The following SLC25A42 variants were observed in gnomAD, a reference collection of about 807,000 sequenced individuals.
The protein encoded by SLC25A42 is solute carrier family 25 member 42.
Under a neutral mutation model 34.7 loss-of-function variants are expected in SLC25A42, and 19 were observed. That is an observed-to-expected ratio of 0.55 (90% CI 0.38 to 0.80). SLC25A42 has a LOEUF of 0.80. Ranked by LOEUF, SLC25A42 falls within the 30% of genes least tolerant of loss-of-function variation. SLC25A42 has a pLI of 0.00. For synonymous variants in SLC25A42, 205 were observed against 191.2 expected, an observed-to-expected ratio of 1.07 and a Z score of -0.59; for missense variants, 364 against 441.3, an observed-to-expected ratio of 0.82 and a Z score of 1.57.
At chr19:19,067,227 T>G (rs1341036665) in intron 1 of SLC25A42, among the ~76,000 whole-genome samples, 9 of 152,066 alleles carry the variant, frequency 5.9e-5, no homozygotes, top group Non-Finnish European at 1.5e-5. Context: ...CTGTCTTAGG[T>G]GTTCTGGCTT....
Position 19,081,760 on chromosome 19 carries a change from TC to T in SLC25A42, c.-34-14328del, listed in dbSNP as rs898758982. ...AGGCCCTACGCTGTCACCCGAGTGGTCCCGTGGTGTCCTCTGGCTTCCTTGC... is the reference window on the plus strand; with the variant it reads ...AGGCCCTACGCTGTCACCCGAGTGGTCCGTGGTGTCCTCTGGCTTCCTTGC... On this transcript the variant is annotated intron_variant, in intron 1 of 7. Coordinates refer to ENST00000318596, the MANE Select transcript of SLC25A42 (RefSeq NM_178526.5). This position sits in a 1 kb window ranked among gnomAD's most constrained non-coding sequence, Gnocchi z 4.5. Among the ~76,000 whole-genome samples, 78 of 152,304 alleles carry T rather than the reference TC, an allele frequency of 5.1e-4. No homozygotes were observed. Among genetic ancestry groups the T allele is most frequent in the African/African-American group, 1.7e-3 (72 of 41,580 alleles).
chr19:19,084,286 A>G (rs903556530), intron 1 of SLC25A42, among the ~76,000 whole-genome samples: 1 of 152,184 alleles, frequency 6.6e-6, no homozygotes, highest in African/African-American at 2.4e-5. Flanking sequence ...TTTGGGGCCC[A>G]CAGATGCTCT....
At chr19:19,105,823 G>A (rs1199790758) in intron 5 of SLC25A42, 96 bp downstream of exon 5, 3 of 1,084,558 alleles carry the variant, frequency 2.8e-6, no homozygotes, top group South Asian at 3.2e-5. Context: ...TTCGTGCCTT[G>A]CCCCTAGCCC....
In SLC25A42 at chr19:19,101,849, G is replaced by T. The variant is rs56144126; in HGVS notation, c.150G>T (p.Ala50=). The change falls in exon 3 of 8, where the codon GCG becomes GCT. Residue 50 remains alanine, a synonymous_variant. Transcript: ENST00000318596. ...TGGCTGGTGCCCTTGCCAAAACAGC[G>T]GTAGCTCCCCTGGACCGAACCAAAA... The part of the protein sequence containing the change: ...GALAGALAKT[A]VAPLDRTKII... The T allele has an allele frequency of 1.9e-6, 3 of 1,613,546 alleles. No homozygotes were observed. In the African/African-American group the frequency reaches 4.0e-5, roughly 22 times the overall value.
intron 7 of SLC25A42, among the ~76,000 whole-genome samples, chr19:19,110,127 G>A (rs1449286587): frequency 6.6e-6 from 1 of 152,048 alleles, no homozygotes; most frequent in African/African-American, 2.4e-5. Flanking sequence ...CAGGCAGATC[G>A]CCTGAGGTCA....
At chr19:19,072,213 C>T (rs1178733975) in intron 1 of SLC25A42, among the ~76,000 whole-genome samples, 1 of 152,196 alleles carries the variant, frequency 6.6e-6, no homozygotes, top group Admixed American at 6.5e-5. Context: ...CAAAAGCATA[C>T]TCAATAGGCC....
chr19:19,105,657 G>A lies in SLC25A42; in HGVS notation c.310G>A (p.Ala104Thr), dbSNP rs1218472304. 6.2e-7 allele frequency: 1 copy of A among 1,613,284 alleles called. No individual in the cohort carries two copies. The change falls in exon 5 of 8, where the codon GCC becomes ACC. Residue 104 changes from alanine (A) to threonine (T), a missense_variant. By Grantham distance (58) the Ala-to-Thr change is moderately conservative. Coordinates refer to ENST00000318596, the MANE Select transcript of SLC25A42 (RefSeq NM_178526.5). ...CACCATGGTGCGCGTGGTGCCCTAC[G>A]CCGCCATCCAGTTCAGCGCACACGA... ...SATMVRVVPY[A>T]AIQFSAHEEY...
At chr19:19,072,230 G>A (rs913041463) in intron 1 of SLC25A42, among the ~76,000 whole-genome samples, 17 of 152,232 alleles carry the variant, frequency 1.1e-4, no homozygotes, top group South Asian at 2.1e-4. Flanking sequence ...GGCCGGGGCC[G>A]TGTTAAATGG....
Position 19,112,764 on chromosome 19 carries a change from C to G in SLC25A42, c.*1888C>G, listed in dbSNP as rs990677839. ...GGCTCTGCGGTCACTCGCCTCCCTG[C>G]TGGTCACTGGTCTTGGTCTGGAGTT... On this transcript the variant is annotated 3_prime_UTR_variant, in exon 8 of 8. Transcript: ENST00000318596. The surrounding 1 kb of genome is among the most constrained non-coding windows in gnomAD (Gnocchi z 4.3). 6.5e-6 allele frequency: 1 copy of G among 152,830 alleles called. No homozygotes were observed. Among genetic ancestry groups the G allele is most frequent in the African/African-American group, 2.4e-5 (1 of 41,462 alleles). 9.5% of individuals were successfully genotyped at this position (152,830 alleles called of 1,614,324 possible).
intron 1 of SLC25A42, among the ~76,000 whole-genome samples, chr19:19,071,167 C>T (rs912210836): frequency 4.6e-5 from 7 of 151,944 alleles, no homozygotes; most frequent in African/African-American, 1.7e-4. Flanking sequence ...CCACCAAGCC[C>T]GGCTAACTTT....
chr19:19,079,130 A>C (rs2059669341), intron 1 of SLC25A42, among the ~76,000 whole-genome samples: 1 of 151,540 alleles, frequency 6.6e-6, no homozygotes. Context: ...ATCTCGGCTC[A>C]CTGCAACCTC....
intron 1 of SLC25A42, among the ~76,000 whole-genome samples, chr19:19,093,066 G>A (rs1016529422): frequency 1.1e-4 from 16 of 152,268 alleles, no homozygotes; most frequent in African/African-American, 3.1e-4. Context: ...TGTCACCTGC[G>A]CTGGAGTGTA....
intron 2 of SLC25A42, 92 bp downstream of exon 2, chr19:19,096,297 T>G: frequency 1.4e-6 from 1 of 717,470 alleles, no homozygotes. Context: ...CCTCCCAGCC[T>G]CTGCACCCCC....
chr19:19,080,519 C>T (rs748921805), intron 1 of SLC25A42, among the ~76,000 whole-genome samples: 2 of 152,168 alleles, frequency 1.3e-5, no homozygotes, highest in Non-Finnish European at 2.9e-5. Flanking sequence ...CAGTGGCTCA[C>T]ACCTGTAATC....
intron 3 of SLC25A42, among the ~76,000 whole-genome samples, chr19:19,104,384 C>T (rs572235305): frequency 1.3e-5 from 2 of 152,294 alleles, no homozygotes; most frequent in Admixed American, 6.5e-5. Context: ...TCCTGGTGAC[C>T]GTTTGTGGCC....
Position 19,111,030 on chromosome 19 carries a change from TC to T in SLC25A42, c.*156del. 1 of 830,650 alleles carries T rather than the reference TC, an allele frequency of 1.2e-6. No homozygotes were observed. The highest frequency in any genetic ancestry group is 1.8e-6 in the Non-Finnish European group (1 of 542,432). The allele number at this position is 830,650 out of a possible 1,614,324, so 51.5% of individuals were successfully genotyped here. ...GGGCCTGAGGGGCCTGGGCTCAGAG[TC>T]CACGTCCAAACGCAAAGCTGGCAGC... On this transcript the variant is annotated 3_prime_UTR_variant, in exon 8 of 8. Coordinates refer to ENST00000318596, the MANE Select transcript of SLC25A42 (RefSeq NM_178526.5).
intron 1 of SLC25A42, among the ~76,000 whole-genome samples, chr19:19,088,989 G>A: frequency 6.6e-6 from 1 of 151,482 alleles, no homozygotes; most frequent in Non-Finnish European, 1.5e-5. Context: ...TGTATTTTTA[G>A]TAGAAACAGT....
In SLC25A42 at chr19:19,111,146, G is replaced by A; in HGVS notation, c.*270G>A. ...CAGACGCTGGCGCTGTCTGCCGGAGGTGTTGCCCAAAAGGCCCTAGTGGGG... is the reference window on the plus strand; with the variant it reads ...CAGACGCTGGCGCTGTCTGCCGGAGATGTTGCCCAAAAGGCCCTAGTGGGG... On this transcript the variant is annotated 3_prime_UTR_variant, in exon 8 of 8. Transcript: ENST00000318596. 1 of 525,646 alleles carries A rather than the reference G, an allele frequency of 1.9e-6. No individual in the cohort carries two copies. Among genetic ancestry groups the A allele is most frequent in the Non-Finnish European group, 3.4e-6 (1 of 294,170 alleles). The allele number at this position is 525,646 out of a possible 1,614,324, so 32.6% of individuals were successfully genotyped here. A position where few individuals can be genotyped will look rare whatever the true frequency, so the allele number is the denominator to read the frequency against.
chr19:19,104,994 C>T, intron 4 of SLC25A42, 56 bp downstream of exon 4: 3 of 1,604,832 alleles, frequency 1.9e-6, no homozygotes, highest in Non-Finnish European at 2.6e-6. Context: ...CCCTGATGGG[C>T]TGGCAGGAGT....
Sources: gnomAD v4.1 joint callset for allele counts (sites outside exome capture counted in the v4.1 genomes callset) on GRCh38, gnomAD v4.1.1 for gene constraint, Gnocchi (gnomAD v3.1) non-coding constraint, MANE v1.5 for transcripts, NCBI Gene and HGNC (gene_info 2026-07-23, HGNC 2026-07-21) for gene names.